The following ABLIM1 variants were observed in gnomAD, a reference collection of about 807,000 sequenced individuals.
ABLIM1 encodes actin-binding LIM protein 1.
A neutral mutation model predicts 107.0 loss-of-function variants in ABLIM1; 40 were observed. The observed-to-expected ratio is 0.37, with a 90% confidence interval of 0.29 to 0.49. ABLIM1 has a LOEUF of 0.49. Ranked by LOEUF, ABLIM1 falls within the 20% of genes least tolerant of loss-of-function variation. ABLIM1 has a pLI of 0.97. For synonymous variants in ABLIM1, 357 were observed against 357.3 expected (o/e 1.00, Z 0.01); for missense variants, 857 against 1,008.5 (o/e 0.85, Z 2.04).
At chr10:114,675,158 G>A (rs2080426294) in intron 1 of ABLIM1, among the ~76,000 whole-genome samples, 1 of 152,018 alleles carries the variant, frequency 6.6e-6, no homozygotes, top group African/African-American at 2.4e-5. Flanking sequence ...TCATTGAAGA[G>A]CTGTCATCAT....
At chr10:114,646,097 T>C (rs1301190757) in intron 1 of ABLIM1, among the ~76,000 whole-genome samples, 1 of 152,154 alleles carries the variant, frequency 6.6e-6, no homozygotes, top group Non-Finnish European at 1.5e-5. Flanking sequence ...ATGAAAACAC[T>C]CCGCATATGT....
At chr10:114,527,821 T>G (rs905537101) in intron 6 of ABLIM1, among the ~76,000 whole-genome samples, 1 of 147,000 alleles carries the variant, frequency 6.8e-6, no homozygotes, top group Non-Finnish European at 1.5e-5. Flanking sequence ...TGAGCCACCA[T>G]GCCTGGCTAA....
At chr10:114,635,654 A>T (rs1230194957) in intron 1 of ABLIM1, among the ~76,000 whole-genome samples, 1 of 152,216 alleles carries the variant, frequency 6.6e-6, no homozygotes, top group Non-Finnish European at 1.5e-5. Flanking sequence ...CCTCCCGAGT[A>T]GCTGGGATTG....
intron 3 of ABLIM1, among the ~76,000 whole-genome samples, 174 bp from the exon 4 acceptor site, chr10:114,571,580 A>G (rs1403630261): frequency 6.6e-6 from 1 of 152,110 alleles, no homozygotes; most frequent in African/African-American, 2.4e-5. Context: ...CAAACAAATA[A>G]ATGTGCCTCA....
At chr10:114,757,404 GCTGA>G (rs770579021) in intron 1 of ABLIM1, among the ~76,000 whole-genome samples, 5 of 152,220 alleles carry the variant, frequency 3.3e-5, no homozygotes, top group South Asian at 2.1e-4. Flanking sequence ...TTCATAGAAG[GCTGA>G]CTAAGAAACA....
chr10:114,550,062 T>C (rs1352704439), intron 4 of ABLIM1, among the ~76,000 whole-genome samples: 2 of 152,204 alleles, frequency 1.3e-5, no homozygotes, highest in East Asian at 1.9e-4. Flanking sequence ...AATTTGACTA[T>C]TTATAAAATT....
intron 6 of ABLIM1, among the ~76,000 whole-genome samples, chr10:114,509,241 A>T (rs2061530977): frequency 1.3e-5 from 2 of 152,102 alleles, no homozygotes; most frequent in South Asian, 4.2e-4. Flanking sequence ...CAGCATGGAG[A>T]GTGCGGTGTG....
At chr10:114,476,999 C>T (rs58432847) in intron 8 of ABLIM1, among the ~76,000 whole-genome samples, 1 of 151,896 alleles carries the variant, frequency 6.6e-6, no homozygotes, top group African/African-American at 2.4e-5. Context: ...TTCTCGGTAA[C>T]CCTAGGAGGT....
In ABLIM1 at chr10:114,433,646, T is replaced by C. The variant is rs962822993; in HGVS notation, c.*2614A>G. ...TACAAGGAAAGCAGGGTTTCATTAG[T>C]GGGAGCTGATTTAGGGTTCAGTTCT... On this transcript the variant is annotated 3_prime_UTR_variant, in exon 23 of 23. Coordinates refer to ENST00000533213, the MANE Select transcript of ABLIM1 (RefSeq NM_002313.7). The C allele has an allele frequency of 7.9e-5, 12 of 152,216 alleles. No homozygotes were observed. Among genetic ancestry groups the C allele is most frequent in the African/African-American group, 2.7e-4 (11 of 41,454 alleles). 9.4% of individuals were successfully genotyped at this position (152,216 alleles called of 1,614,324 possible).
intron 1 of ABLIM1, among the ~76,000 whole-genome samples, chr10:114,644,047 C>T (rs1049555783): frequency 1.2e-4 from 18 of 150,892 alleles, no homozygotes; most frequent in African/African-American, 3.4e-4. Context: ...TTTGGGAGGC[C>T]GAGGCGGGCA....
At chr10:114,593,751 G>A (rs1440232636) in intron 2 of ABLIM1, among the ~76,000 whole-genome samples, 1 of 152,156 alleles carries the variant, frequency 6.6e-6, no homozygotes, top group Admixed American at 6.5e-5. Context: ...GCTCACAAGA[G>A]ACTCATGGAT....
upstream of ABLIM1, among the ~76,000 whole-genome samples, chr10:114,660,034 G>A (rs2079720820): frequency 3.9e-5 from 6 of 152,280 alleles, no homozygotes; most frequent in South Asian, 1.2e-3. Context: ...AGCACGGTGG[G>A]AATGGAAGAA....
At chr10:114,626,552 C>T (rs1444469719) in intron 1 of ABLIM1, among the ~76,000 whole-genome samples, 2 of 152,094 alleles carry the variant, frequency 1.3e-5, no homozygotes, top group Non-Finnish European at 2.9e-5. Flanking sequence ...TCCTTCCTCC[C>T]ACCGACCTCC....
chr10:114,558,683 T>G lies in ABLIM1; in HGVS notation c.674-10907A>C, dbSNP rs1025549246. On this transcript the variant is annotated intron_variant, in intron 4 of 22. Coordinates refer to ENST00000533213, the MANE Select transcript of ABLIM1 (RefSeq NM_002313.7). ...GAAAACTAGCTAGGAGCTGAGAAAT[T>G]TAGTATCTGCTTAAAGACAGTGTCT... Among the ~76,000 whole-genome samples, 3 of 152,314 alleles carry G rather than the reference T, an allele frequency of 2.0e-5. No individual in the cohort carries two copies. The East Asian group carries it at 5.8e-4, about 29-fold the overall frequency.
chr10:114,658,286 C>G (rs937794236), upstream of ABLIM1: 42 of 1,516,634 alleles, frequency 2.8e-5, no homozygotes, highest in Admixed American at 3.7e-4. Context: ...GTTCCCCTGG[C>G]TCCTTACTGT....
chr10:114,747,947 C>T (rs962839372), intron 1 of ABLIM1, among the ~76,000 whole-genome samples: 3 of 152,140 alleles, frequency 2.0e-5, no homozygotes, highest in East Asian at 1.9e-4. Context: ...GGCTGAGGCA[C>T]GAGAATCGCT....
chr10:114,502,134 C>G (rs1192196807), intron 6 of ABLIM1: 1 of 171,004 alleles, frequency 5.8e-6, no homozygotes, highest in Non-Finnish European at 1.3e-5. Context: ...CTCCCAGGTA[C>G]CAAACATACT....
intron 6 of ABLIM1, among the ~76,000 whole-genome samples, chr10:114,496,499 G>C (rs930403112): frequency 3.2e-4 from 49 of 152,038 alleles, no homozygotes; most frequent in African/African-American, 1.2e-3. Flanking sequence ...GAGCCTGTTG[G>C]GGGAGGGTGG....
At chr10:114,740,842 G>A (rs2082272328) in intron 1 of ABLIM1, among the ~76,000 whole-genome samples, 2 of 151,852 alleles carry the variant, frequency 1.3e-5, no homozygotes, top group Non-Finnish European at 2.9e-5. Flanking sequence ...TCAGGAGTTC[G>A]AGACTAGCCT....
Sources: allele counts gnomAD v4.1 joint callset (sites outside exome capture counted in the v4.1 genomes callset), GRCh38; gene constraint gnomAD v4.1.1; transcripts MANE v1.5; gene names NCBI Gene and HGNC (gene_info 2026-07-23, HGNC 2026-07-21).